Variants in EVI5 observed in about 807,000 individuals in gnomAD.
EVI5 encodes ecotropic viral integration site 5.
Under a neutral mutation model 112.0 loss-of-function variants are expected in EVI5, and 73 were observed. The ratio of observed to expected loss-of-function variants is 0.65; its 90% CI spans 0.54 to 0.79. The LOEUF (loss-of-function observed/expected upper bound fraction) is 0.79. Ranked by LOEUF, EVI5 falls within the 30% of genes least tolerant of loss-of-function variation. The probability of loss-of-function intolerance (pLI) is 0.00; values close to 1 mark genes in which losing one functional copy is unlikely to be tolerated. For missense variants in EVI5, 900 were observed against 968.8 expected, an observed-to-expected ratio of 0.93 and a Z score of 0.94; for synonymous variants, 305 against 319.9, an observed-to-expected ratio of 0.95 and a Z score of 0.50.
chr1:92,603,075 C>T (rs903450324), intron 18 of EVI5, among the ~76,000 whole-genome samples: 7 of 151,936 alleles, frequency 4.6e-5, no homozygotes, highest in East Asian at 1.9e-4. Context: ...TATATAAATG[C>T]GAAATAAGCA....
intron 13 of EVI5, among the ~76,000 whole-genome samples, chr1:92,646,116 G>T (rs1026339120): frequency 6.6e-6 from 1 of 152,090 alleles, no homozygotes; most frequent in Non-Finnish European, 1.5e-5. Flanking sequence ...TAAATGTGTC[G>T]AGTTTCTTTG....
At chr1:92,555,787 T>C (rs1002339304) in intron 19 of EVI5, among the ~76,000 whole-genome samples, 24 of 143,418 alleles carry the variant, frequency 1.7e-4, no homozygotes, top group African/African-American at 5.2e-4. Context: ...GAGGTGGAGG[T>C]TGCAGTGAGC....
rs116003373 is a variant in EVI5 at position 92,681,781 on chromosome 1, G to A, written c.1098-4563C>T. 2.2e-3 allele frequency among the ~76,000 whole-genome samples: 334 copies of A among 152,292 alleles called. 3 individuals are homozygous for A. The highest frequency in any genetic ancestry group is 7.7e-3 in the African/African-American group (319 of 41,562). On this transcript the variant is annotated intron_variant, in intron 9 of 19. Transcript: ENST00000684568. ...CCAATAGAGTAGCCATTAGCCACATGTGAGTGACTAATTAGCACTTGAAAT... is the reference window on the plus strand; with the variant it reads ...CCAATAGAGTAGCCATTAGCCACATATGAGTGACTAATTAGCACTTGAAAT...
chr1:92,617,973 C>T (rs913460103), intron 16 of EVI5, among the ~76,000 whole-genome samples: 3 of 152,150 alleles, frequency 2.0e-5, no homozygotes, highest in Non-Finnish European at 4.4e-5. Flanking sequence ...AGTAGGCTCA[C>T]GTTCATGGAA....
chr1:92,606,399 T>C (rs1171195122), intron 17 of EVI5, among the ~76,000 whole-genome samples: 1 of 152,210 alleles, frequency 6.6e-6, no homozygotes, highest in African/African-American at 2.4e-5. Context: ...AATTTAGTTA[T>C]CTATAAGATG....
chr1:92,592,157 G>A (rs955309324), intron 18 of EVI5, among the ~76,000 whole-genome samples: 31 of 152,226 alleles, frequency 2.0e-4, no homozygotes, highest in Admixed American at 7.2e-4. Context: ...GCAGGAGAAC[G>A]GCGTGAACCC....
intron 18 of EVI5, among the ~76,000 whole-genome samples, chr1:92,565,975 T>C (rs1384428117): frequency 3.5e-5 from 1 of 28,974 alleles, no homozygotes; most frequent in Non-Finnish European, 6.8e-5. Context: ...AAAAGAAATG[T>C]TCTAGCGACA....
chr1:92,789,571 A>G (rs1232147495), upstream of EVI5, among the ~76,000 whole-genome samples: 1 of 152,086 alleles, frequency 6.6e-6, no homozygotes, highest in African/African-American at 2.4e-5. Context: ...CAAAGTGCTG[A>G]GATTACAGGC....
chr1:92,681,262 A>C (rs1010739983), intron 9 of EVI5, among the ~76,000 whole-genome samples: 1 of 152,196 alleles, frequency 6.6e-6, no homozygotes, highest in Non-Finnish European at 1.5e-5. Context: ...TCAAGTATTT[A>C]CAGATAAAGG....
chr1:92,656,924 A>G (rs577654727), intron 13 of EVI5, among the ~76,000 whole-genome samples: 1 of 152,238 alleles, frequency 6.6e-6, no homozygotes, highest in South Asian at 2.1e-4. Context: ...GCCCAGGATC[A>G]GATGAATTCA....
intron 18 of EVI5, among the ~76,000 whole-genome samples, chr1:92,603,632 CTT>C (rs990190805): frequency 4.0e-5 from 6 of 151,744 alleles, no homozygotes; most frequent in South Asian, 2.1e-4. Flanking sequence ...CTTTTTGACT[CTT>C]TTATAACATT....
chr1:92,718,388 C>T (rs1055581072), intron 2 of EVI5, among the ~76,000 whole-genome samples: 1 of 152,126 alleles, frequency 6.6e-6, no homozygotes, highest in Admixed American at 6.6e-5. Flanking sequence ...GATTCAGAAA[C>T]TCACTCAAAA....
intron 1 of EVI5, among the ~76,000 whole-genome samples, chr1:92,783,648 C>T (rs1031243665): frequency 1.3e-5 from 2 of 151,072 alleles, no homozygotes; most frequent in Admixed American, 6.6e-5. Flanking sequence ...CTCATCTCTA[C>T]TAAAAATACA....
intron 1 of EVI5, among the ~76,000 whole-genome samples, chr1:92,751,580 C>T (rs1680203297): frequency 6.6e-6 from 1 of 152,126 alleles, no homozygotes; most frequent in Non-Finnish European, 1.5e-5. Context: ...TCAAAACACT[C>T]TTATTTTGGT....
chr1:92,790,577 C>T (rs969374711), intron 1 of EVI5, among the ~76,000 whole-genome samples: 4 of 150,032 alleles, frequency 2.7e-5, no homozygotes, highest in Non-Finnish European at 5.9e-5. Context: ...CTATTCATTA[C>T]TAGGCTCATT....
At chr1:92,684,552 A>G (rs557356490) in intron 9 of EVI5, among the ~76,000 whole-genome samples, 1 of 152,280 alleles carries the variant, frequency 6.6e-6, no homozygotes, top group East Asian at 1.9e-4. Context: ...AAACATAACA[A>G]TATTAACCTT....
At position 92,582,049 on chromosome 1, in the gene EVI5, G is replaced by A. The variant is rs561032485; in HGVS notation, c.2071-18312C>T. Among the ~76,000 whole-genome samples the A allele has an allele frequency of 4.7e-4, 72 of 152,300 alleles. 1 individual carries two copies. Among genetic ancestry groups the A allele is most frequent in the South Asian group, 4.1e-4 (2 of 4,830 alleles). ...GGGATTTCATCGTTGTGTGAACACC[G>A]TAGGGTGTATTTACACAAACTTAAA... On this transcript the variant is annotated intron_variant, in intron 18 of 19. Transcript: ENST00000684568.
rs780400268 is a variant in EVI5 at position 92,736,616 on chromosome 1, G to C, written c.-70C>G. 1.8e-5 allele frequency: 29 copies of C among 1,612,770 alleles called. No individual in the cohort carries two copies. The highest frequency in any genetic ancestry group is 2.5e-5 in the Non-Finnish European group (29 of 1,178,996). ...TAGAGCTCAGCTTTTCTGCAACTTT[G>C]TCTGTCGCCACCTAAGGACAAAAAT... On this transcript the variant is annotated 5_prime_UTR_variant, in exon 2 of 20. Transcript: ENST00000684568.
At chr1:92,630,960 T>C (rs1399751217) in intron 14 of EVI5, among the ~76,000 whole-genome samples, 1 of 152,206 alleles carries the variant, frequency 6.6e-6, no homozygotes, top group Non-Finnish European at 1.5e-5. Context: ...CTCAGGTTTG[T>C]CAAAGATCAG....
Sources: allele counts gnomAD v4.1 joint callset (sites outside exome capture counted in the v4.1 genomes callset), GRCh38; gene constraint gnomAD v4.1.1; transcripts MANE v1.5; gene names NCBI Gene and HGNC (gene_info 2026-07-23, HGNC 2026-07-21).